MED15: variants seen among roughly 807,000 people sequenced by gnomAD.
MED15 encodes mediator complex subunit 15, also known as mediator of RNA polymerase II transcription subunit 15.
Under a neutral mutation model 118.7 loss-of-function variants are expected in MED15, and 41 were observed. The observed-to-expected ratio is 0.35, with a 90% CI of 0.27 to 0.45. The LOEUF (loss-of-function observed/expected upper bound fraction) is 0.45. Among genes scored for constraint, MED15 ranks in the 20% least tolerant of loss-of-function variants. MED15 has a pLI of 1.00. For synonymous variants in MED15, 436 were observed against 413.9 expected (o/e 1.05, Z -0.65); for missense variants, 740 against 1,025.5 (o/e 0.72, Z 3.80).
chr22:20,579,038 A>G (rs2056902189), intron 9 of MED15, among the ~76,000 whole-genome samples: 1 of 152,208 alleles, frequency 6.6e-6, no homozygotes, highest in Non-Finnish European at 1.5e-5. Flanking sequence ...ACGGGGGCCC[A>G]GGGGGTGGCA....
chr22:20,507,890 C>A, intron 1 of MED15, 144 bp downstream of exon 1: 9 of 1,478,076 alleles, frequency 6.1e-6, no homozygotes, highest in South Asian at 5.4e-5. Flanking sequence ...AGGGCTCGGG[C>A]CCCCCCGTCT....
intron 4 of MED15, 57 bp from the exon 5 acceptor site, chr22:20,554,879 G>A (rs1045543906): frequency 6.6e-7 from 1 of 1,508,876 alleles, no homozygotes; most frequent in African/African-American, 1.4e-5. Context: ...CGCCCTTTGA[G>A]CCATGGTCAG....
At chr22:20,539,539 ATAGT>A (rs2055208931) in intron 2 of MED15, among the ~76,000 whole-genome samples, 1 of 152,224 alleles carries the variant, frequency 6.6e-6, no homozygotes, top group Non-Finnish European at 1.5e-5. Context: ...AAGCAGAACA[ATAGT>A]TAATGTATAA....
At chr22:20,552,548 C>T (rs1017401048) in intron 3 of MED15, 9 of 460,438 alleles carry the variant, frequency 2.0e-5, no homozygotes, top group Non-Finnish European at 3.6e-5. Context: ...GGGACAGTGG[C>T]CTGGCTGGTG....
chr22:20,524,869 T>G (rs1279149812), intron 1 of MED15, among the ~76,000 whole-genome samples: 1 of 151,968 alleles, frequency 6.6e-6, no homozygotes. Context: ...TGCCTTGGCC[T>G]CCCAAAGTCC....
intron 9 of MED15, among the ~76,000 whole-genome samples, chr22:20,577,981 A>G (rs1035422319): frequency 4.6e-5 from 7 of 151,954 alleles, no homozygotes; most frequent in African/African-American, 7.3e-5. Flanking sequence ...CAGGAGTGCA[A>G]TGGCGCACTC....
At chr22:20,578,965 G>A (rs1043708204) in intron 9 of MED15, among the ~76,000 whole-genome samples, 3 of 152,202 alleles carry the variant, frequency 2.0e-5, no homozygotes, top group South Asian at 2.1e-4. Context: ...CATGCCTCAC[G>A]GACTCAGGCT....
chr22:20,562,745 T>G (rs920030741), intron 5 of MED15, among the ~76,000 whole-genome samples: 1 of 152,068 alleles, frequency 6.6e-6, no homozygotes, highest in Non-Finnish European at 1.5e-5. Flanking sequence ...AATTAAAAAT[T>G]TTTTACACTT....
intron 2 of MED15, among the ~76,000 whole-genome samples, chr22:20,546,524 T>TTTC (rs397947424): frequency 6.7e-6 from 1 of 150,218 alleles, no homozygotes; most frequent in Non-Finnish European, 1.5e-5. Context: ...TTTTTTTTTT[T>TTTC]GTCAAGAAAG....
intron 1 of MED15, among the ~76,000 whole-genome samples, chr22:20,524,714 C>T (rs1017165928): frequency 8.5e-5 from 13 of 152,196 alleles, no homozygotes; most frequent in Admixed American, 6.5e-5. Context: ...CTCCGCCTCC[C>T]GGGTTCAGGC....
intron 14 of MED15, 88 bp from the exon 15 acceptor site, chr22:20,584,767 T>A: frequency 4.0e-6 from 6 of 1,504,868 alleles, no homozygotes; most frequent in Non-Finnish European, 5.4e-6. Context: ...AATCTGACTG[T>A]GAGTGACCAT....
At chr22:20,558,983 G>A (rs999194094) in intron 5 of MED15, among the ~76,000 whole-genome samples, 23 of 152,122 alleles carry the variant, frequency 1.5e-4, no homozygotes, top group Admixed American at 3.9e-4. Flanking sequence ...TATGGGCCAT[G>A]GGGTATATAA....
chr22:20,510,664 C>T (rs1000814052), intron 1 of MED15, among the ~76,000 whole-genome samples: 4 of 152,122 alleles, frequency 2.6e-5, no homozygotes, highest in African/African-American at 9.7e-5. Context: ...AGAAGCTGCC[C>T]GAATTCCTTC....
chr22:20,568,553 A>T lies in MED15; in HGVS notation c.1074A>T (p.Pro358=). Reference sequence around the variant, plus strand: ...CTCCGATGGTGGTGCAGCAGCCCCCAGTGCAGCCCCAGGTGCAGCAGCAGC... The same window carrying T: ...CTCCGATGGTGGTGCAGCAGCCCCCTGTGCAGCCCCAGGTGCAGCAGCAGC... ...VRAPMVVQQP[P]VQPQVQQQQT... is the part of the protein sequence containing the mutation. Residue 358 remains proline (P), a synonymous_variant, in exon 8 of 18, where the codon CCA becomes CCT. Transcript: ENST00000263205. 6.2e-7 allele frequency: 1 copy of T among 1,613,852 alleles called. No homozygotes were observed. Among genetic ancestry groups the T allele is most frequent in the African/African-American group, 1.3e-5 (1 of 75,028 alleles).
rs79544945 is a variant in MED15, at chr22:20,572,786, G to A, written c.1153-2327G>A. 6.8e-3 allele frequency among the ~76,000 whole-genome samples: 1,040 copies of A among 152,268 alleles called. 12 individuals carry two copies. Among genetic ancestry groups the A allele is most frequent in the African/African-American group, 0.022 (934 of 41,546 alleles). On this transcript the variant is annotated intron_variant, in intron 8 of 17. Transcript: ENST00000263205. Reference sequence around the variant, plus strand: ...AATAAAAATAAAAAGTTAGCTGGGCGGAGTGGTGCGTGTCTGCAGTCCCTG... The same window carrying A: ...AATAAAAATAAAAAGTTAGCTGGGCAGAGTGGTGCGTGTCTGCAGTCCCTG...
At chr22:20,520,222 T>C (rs1317674354) in intron 1 of MED15, among the ~76,000 whole-genome samples, 1 of 152,206 alleles carries the variant, frequency 6.6e-6, no homozygotes, top group African/African-American at 2.4e-5. Flanking sequence ...GCAGTGCTTG[T>C]AGGTTAAGAA....
At chr22:20,532,969 A>T (rs1397396802) in intron 1 of MED15, among the ~76,000 whole-genome samples, 2 of 151,988 alleles carry the variant, frequency 1.3e-5, no homozygotes, top group Non-Finnish European at 2.9e-5. Flanking sequence ...TCCTTGTGTG[A>T]TAGTTTCCTT....
intron 2 of MED15, 108 bp from the exon 3 acceptor site, chr22:20,551,328 G>A: frequency 2.0e-6 from 2 of 1,001,442 alleles, no homozygotes; most frequent in Non-Finnish European, 3.2e-6. Context: ...AATCTGCCTT[G>A]CAGGATGGGC....
chr22:20,554,244 G>A (rs1387096974), intron 4 of MED15: 1 of 152,382 alleles, frequency 6.6e-6, no homozygotes, highest in Non-Finnish European at 1.5e-5. Flanking sequence ...TGTGTGGCAT[G>A]GCGGTCCTGC....
Sources: gnomAD v4.1 joint callset for allele counts (sites outside exome capture counted in the v4.1 genomes callset) on GRCh38, gnomAD v4.1.1 for gene constraint, MANE v1.5 for transcripts, NCBI Gene and HGNC (gene_info 2026-07-23, HGNC 2026-07-21) for gene names.